Variants in ALPK2 observed in about 807,000 individuals in gnomAD.
The protein encoded by ALPK2 is alpha-protein kinase 2.
A neutral mutation model predicts 163.1 loss-of-function variants in ALPK2; 127 were observed. The ratio of observed to expected loss-of-function variants is 0.78; its 90% CI spans 0.67 to 0.90. The LOEUF (loss-of-function observed/expected upper bound fraction) is 0.90, where lower values mean the gene tolerates loss of function less well. Among genes scored for constraint, ALPK2 ranks in the 40% least tolerant of loss-of-function variants. ALPK2 has a pLI of 0.00. For synonymous variants in ALPK2, 953 were observed against 959.1 expected, an observed-to-expected ratio of 0.99 and a Z score of 0.12; for missense variants, 2,360 against 2,589.6, an observed-to-expected ratio of 0.91 and a Z score of 1.92.
intron 1 of ALPK2, among the ~76,000 whole-genome samples, chr18:58,612,445 G>A (rs551997204): frequency 6.6e-6 from 1 of 152,318 alleles, no homozygotes; most frequent in Non-Finnish European, 1.5e-5. Flanking sequence ...CTAAACACTT[G>A]ATTAGTCACC....
At chr18:58,487,687 TCTCA>T (rs2051346728) in intron 12 of ALPK2, among the ~76,000 whole-genome samples, 1 of 152,188 alleles carries the variant, frequency 6.6e-6, no homozygotes, top group African/African-American at 2.4e-5. Context: ...ATCCATCCTC[TCTCA>T]CAATGTCCAG....
At chr18:58,558,836 C>A (rs2051808321) in intron 4 of ALPK2, among the ~76,000 whole-genome samples, 1 of 152,244 alleles carries the variant, frequency 6.6e-6, no homozygotes, top group African/African-American at 2.4e-5. Context: ...AAGCCATCTA[C>A]TGTATGATTA....
chr18:58,618,787 C>A (rs1285757711), intron 1 of ALPK2, among the ~76,000 whole-genome samples: 1 of 152,012 alleles, frequency 6.6e-6, no homozygotes, highest in Non-Finnish European at 1.5e-5. Context: ...TCCCCCTGCA[C>A]CCCTGCAATC....
At position 58,538,048 on chromosome 18, in the gene ALPK2, A is replaced by G; in HGVS notation, c.2139T>C (p.Cys713=). The change falls in exon 5 of 13, where the codon TGT becomes TGC. Residue 713 remains cysteine, a synonymous_variant. Transcript: ENST00000361673. The stretch of plus-strand genomic sequence containing the variant: ...TTTCTTCATGCTGTGGACCACAGGT[A>G]CAGGGTTTGACCTCCGAGTGTTGAG... ...SLAQHSEVKP[C]TCGPQHEEKQ... The G allele has an allele frequency of 1.2e-6, 2 of 1,614,144 alleles. No homozygotes were observed. Among genetic ancestry groups the G allele is most frequent in the Non-Finnish European group, 1.7e-6 (2 of 1,180,002 alleles).
At chr18:58,564,534 T>C (rs912598316) in intron 4 of ALPK2, among the ~76,000 whole-genome samples, 1 of 152,126 alleles carries the variant, frequency 6.6e-6, no homozygotes, top group Non-Finnish European at 1.5e-5. Context: ...GTGGGGGTTT[T>C]TGTGCAAAAT....
chr18:58,591,535 G>T (rs542710184), intron 3 of ALPK2, among the ~76,000 whole-genome samples: 1 of 152,118 alleles, frequency 6.6e-6, no homozygotes, highest in South Asian at 2.1e-4. Context: ...CAGGTGTTGG[G>T]GGCATGCAAG....
At chr18:58,490,875 A>T (rs1257548353) in intron 12 of ALPK2, among the ~76,000 whole-genome samples, 1 of 152,178 alleles carries the variant, frequency 6.6e-6, no homozygotes, top group Non-Finnish European at 1.5e-5. Context: ...AGAAGCACTC[A>T]TCTACTATGG....
intron 4 of ALPK2, among the ~76,000 whole-genome samples, chr18:58,564,120 G>GTTATTTTTTTTT (rs1555672429): frequency 2.3e-5 from 1 of 42,852 alleles, no homozygotes; most frequent in African/African-American, 1.3e-4. Flanking sequence ...TGATGTCTTT[G>GTTATTTTTTTTT]TTCTTTTTTT....
At chr18:58,606,747 C>A (rs550691672) in intron 3 of ALPK2, among the ~76,000 whole-genome samples, 1 of 113,290 alleles carries the variant, frequency 8.8e-6, no homozygotes, top group South Asian at 2.6e-4. Flanking sequence ...ACCCCCTACC[C>A]AGCTTCACCC....
chr18:58,515,134 G>C, intron 9 of ALPK2, 53 bp from the exon 10 acceptor site: 1 of 1,335,180 alleles, frequency 7.5e-7, no homozygotes. Context: ...AATTCAGACA[G>C]TATTGCCCAG....
intron 12 of ALPK2, among the ~76,000 whole-genome samples, chr18:58,494,836 C>G (rs1479851927): frequency 6.6e-6 from 1 of 152,252 alleles, no homozygotes; most frequent in Non-Finnish European, 1.5e-5. Context: ...CCTGGACTTT[C>G]CTGTCTGCAG....
At position 58,600,027 on chromosome 18, in the gene ALPK2, C is replaced by CTTTTTTT. The variant is rs1166291584; in HGVS notation, c.227+7288_227+7294dup. Among the ~76,000 whole-genome samples, 140 of 66,864 alleles carry CTTTTTTT rather than the reference C, an allele frequency of 2.1e-3. 13 individuals are homozygous for CTTTTTTT. Among genetic ancestry groups the CTTTTTTT allele is most frequent in the East Asian group, 4.9e-3 (9 of 1,848 alleles). 43.9% of individuals were successfully genotyped at this position (66,864 alleles called of 152,430 possible). ...GTGTTTCTTCCAGCAATGGGGATAT[C>CTTTTTTT]TTTTTTTTTTTTTTTTTTTTTTTTT... On this transcript the variant is annotated intron_variant, in intron 3 of 12. Coordinates refer to ENST00000361673, the MANE Select transcript of ALPK2 (RefSeq NM_052947.4).
chr18:58,628,937 C>G lies in ALPK2; in HGVS notation c.-194G>C, dbSNP rs1205995789. ...GGTCAAAGCATAGATGGGTCTGCTTCCAGAAAGTTCATCTCTTCCTAAGAG... is the reference window on the plus strand; with the variant it reads ...GGTCAAAGCATAGATGGGTCTGCTTGCAGAAAGTTCATCTCTTCCTAAGAG... On this transcript the variant is annotated 5_prime_UTR_variant, in exon 1 of 13. Coordinates refer to ENST00000361673, the MANE Select transcript of ALPK2 (RefSeq NM_052947.4). 6.6e-6 allele frequency: 1 copy of G among 152,212 alleles called. No individual in the cohort carries two copies. The highest frequency in any genetic ancestry group is 2.4e-5 in the African/African-American group (1 of 41,440). The allele number at this position is 152,212 out of a possible 1,614,324, so 9.4% of individuals were successfully genotyped here.
At chr18:58,521,617 T>TC (rs2051551892) in intron 8 of ALPK2, among the ~76,000 whole-genome samples, 1 of 99,014 alleles carries the variant, frequency 1.0e-5, no homozygotes, top group African/African-American at 3.4e-5. Context: ...TTTTCTTTCT[T>TC]TCTCTCTCTC....
chr18:58,555,258 A>G (rs1302525515), intron 4 of ALPK2, among the ~76,000 whole-genome samples: 2 of 152,208 alleles, frequency 1.3e-5, no homozygotes, highest in Non-Finnish European at 2.9e-5. Context: ...CCATATGTGG[A>G]TTTGGAAGTA....
Position 58,515,036 on chromosome 18 carries a change from C to T in ALPK2, c.5986G>A (p.Ala1996Thr), listed in dbSNP as rs1424905119. The T allele has an allele frequency of 1.9e-6, 3 of 1,612,208 alleles. No homozygotes were observed. Among genetic ancestry groups the T allele is most frequent in the Non-Finnish European group, 2.5e-6 (3 of 1,179,074 alleles). ...NTARYYAKIY[A>T]AEAQPLEGFG... The stretch of plus-strand genomic sequence containing the variant: ...CCTTCCAGAGGCTGTGCTTCAGCAG[C>T]GTAGATCTTGGCATAATACCTGGCA... The change falls in exon 10 of 13, where the codon GCT becomes ACT. Residue 1996 changes from alanine (A) to threonine (T), a missense_variant. By Grantham distance (58) the Ala-to-Thr change is moderately conservative (BLOSUM62 0). Coordinates refer to ENST00000361673, the MANE Select transcript of ALPK2 (RefSeq NM_052947.4).
intron 4 of ALPK2, 65 bp from the exon 5 acceptor site, chr18:58,538,289 G>T: frequency 1.4e-6 from 2 of 1,381,546 alleles, no homozygotes; most frequent in Admixed American, 1.9e-5. Flanking sequence ...GGGCATAACT[G>T]CAATCCCAAG....
chr18:58,517,507 A>G (rs1329171946), intron 8 of ALPK2, among the ~76,000 whole-genome samples: 1 of 152,214 alleles, frequency 6.6e-6, no homozygotes, highest in Non-Finnish European at 1.5e-5. Flanking sequence ...CAAGTTGAAA[A>G]GATGGGAAAA....
intron 3 of ALPK2, among the ~76,000 whole-genome samples, chr18:58,602,012 C>A (rs879558786): frequency 2.6e-5 from 4 of 152,142 alleles, no homozygotes; most frequent in Non-Finnish European, 5.9e-5. Flanking sequence ...CCTGTCAGGA[C>A]AATCCAAATG....
Sources: allele counts gnomAD v4.1 joint callset (sites outside exome capture counted in the v4.1 genomes callset), GRCh38; gene constraint gnomAD v4.1.1; transcripts MANE v1.5; gene names NCBI Gene and HGNC (gene_info 2026-07-23, HGNC 2026-07-21).